Variants in CTNNA2 observed in about 807,000 individuals in gnomAD.
CTNNA2 encodes the protein catenin alpha-2.
Under a neutral mutation model 101.0 loss-of-function variants are expected in CTNNA2, and 42 were observed. That is an observed-to-expected ratio of 0.42 (90% CI 0.32 to 0.54). The LOEUF is 0.54. CTNNA2 is among the 20% of genes least tolerant of loss of function. The pLI, the probability that CTNNA2 is intolerant of heterozygous loss-of-function variation, is 0.14. For missense variants in CTNNA2, 871 were observed against 1,223.1 expected, an observed-to-expected ratio of 0.71 and a Z score of 4.29; for synonymous variants, 450 against 456.4, an observed-to-expected ratio of 0.99 and a Z score of 0.18.
intron 11 of CTNNA2, among the ~76,000 whole-genome samples, chr2:80,548,574 T>G (rs1338453120): frequency 6.6e-6 from 1 of 152,130 alleles, no homozygotes; most frequent in Non-Finnish European, 1.5e-5. Flanking sequence ...GATAACACTG[T>G]GCAGTCCAAC....
intron 3 of CTNNA2, among the ~76,000 whole-genome samples, chr2:79,811,163 A>G (rs1378987694): frequency 6.6e-6 from 1 of 151,846 alleles, no homozygotes. Context: ...AAGTGTTCCT[A>G]TTTCTGCACA....
At chr2:79,616,065 A>C (rs1678596279) in intron 1 of CTNNA2, among the ~76,000 whole-genome samples, 1 of 152,190 alleles carries the variant, frequency 6.6e-6, no homozygotes, top group African/African-American at 2.4e-5. Context: ...ACCAGCATTA[A>C]GAAGTTGCAG....
intron 7 of CTNNA2, among the ~76,000 whole-genome samples, chr2:80,090,799 A>C (rs191068296): frequency 7.2e-5 from 11 of 152,216 alleles, no homozygotes; most frequent in African/African-American, 2.6e-4. Context: ...ACATCACATA[A>C]TGAATTGAGC....
At chr2:80,214,872 A>G (rs1443844613) in intron 7 of CTNNA2, among the ~76,000 whole-genome samples, 2 of 152,164 alleles carry the variant, frequency 1.3e-5, no homozygotes, top group Non-Finnish European at 2.9e-5. Flanking sequence ...TGGCTCCATT[A>G]TCCCCGTCAT....
chr2:79,962,150 G>A (rs1385466703), intron 7 of CTNNA2, among the ~76,000 whole-genome samples: 1 of 152,204 alleles, frequency 6.6e-6, no homozygotes, highest in Non-Finnish European at 1.5e-5. Context: ...GTCTGTTCAG[G>A]CTGCTATAAC....
chr2:79,987,420 C>T (rs75674960), intron 7 of CTNNA2, among the ~76,000 whole-genome samples: 3,762 of 152,282 alleles, frequency 0.025, 170 homozygotes, highest in African/African-American at 0.086. Flanking sequence ...CCCACCTGTG[C>T]CTCCTAACGA....
At chr2:80,278,942 G>A (rs917168603) in intron 7 of CTNNA2, among the ~76,000 whole-genome samples, 1 of 152,078 alleles carries the variant, frequency 6.6e-6, no homozygotes, top group East Asian at 1.9e-4. Context: ...TCTAGCCTGG[G>A]TGACAAAGTG....
chr2:79,949,899 T>C (rs1688762833), intron 7 of CTNNA2, among the ~76,000 whole-genome samples: 2 of 152,242 alleles, frequency 1.3e-5, no homozygotes, highest in Non-Finnish European at 2.9e-5. Flanking sequence ...ATCAGCCAGA[T>C]ATCTTTAATA....
Position 80,204,719 on chromosome 2 carries a change from T to G in CTNNA2, c.1057-188492T>G, listed in dbSNP as rs567287630. 2.4e-4 allele frequency among the ~76,000 whole-genome samples: 37 copies of G among 151,944 alleles called. No individual in the cohort carries two copies. In the South Asian group the frequency reaches 7.7e-3, roughly 32 times the overall value. On this transcript the variant is annotated intron_variant, in intron 7 of 18. Coordinates refer to ENST00000402739, the MANE Select transcript of CTNNA2 (RefSeq NM_001282597.3). ...TTACCCAGTTCCAAAGTAGCTTCCA[T>G]GTTTTTGGGTATCTTTTCAGCAGCG...
chr2:79,257,868 A>G (rs1674869075), intron 2 of CTNNA2, among the ~76,000 whole-genome samples: 1 of 152,088 alleles, frequency 6.6e-6, no homozygotes, highest in Non-Finnish European at 1.5e-5. Context: ...TCCAAAATCA[A>G]GATGTCAGCA....
At chr2:79,824,983 G>C (rs1678307733) in intron 3 of CTNNA2, among the ~76,000 whole-genome samples, 1 of 152,022 alleles carries the variant, frequency 6.6e-6, no homozygotes, top group South Asian at 2.1e-4. Context: ...TGAGGACAAG[G>C]GTTCAGCACA....
chr2:80,604,888 G>A (rs912234939), intron 16 of CTNNA2, among the ~76,000 whole-genome samples: 1 of 151,950 alleles, frequency 6.6e-6, no homozygotes, highest in Non-Finnish European at 1.5e-5. Context: ...GGCAGAAACA[G>A]GTTGCAGAAT....
intron 4 of CTNNA2, among the ~76,000 whole-genome samples, chr2:79,468,928 G>T (rs1670968188): frequency 6.6e-6 from 1 of 152,256 alleles, no homozygotes; most frequent in East Asian, 1.9e-4. Flanking sequence ...GAGAAAGCAG[G>T]AAAGATCTAA....
intron 7 of CTNNA2, among the ~76,000 whole-genome samples, chr2:80,202,039 G>A (rs1160735199): frequency 6.6e-6 from 1 of 152,062 alleles, no homozygotes; most frequent in Admixed American, 6.6e-5. Flanking sequence ...CTGCATTTTT[G>A]CATTTTATTT....
At chr2:79,332,487 T>G (rs1467687940) in intron 3 of CTNNA2, among the ~76,000 whole-genome samples, 1 of 152,172 alleles carries the variant, frequency 6.6e-6, no homozygotes, top group Non-Finnish European at 1.5e-5. Context: ...CAACAATCAC[T>G]TCCACTTCTC....
chr2:79,562,711 G>T (rs997373180), intron 1 of CTNNA2, among the ~76,000 whole-genome samples: 1 of 151,998 alleles, frequency 6.6e-6, no homozygotes, highest in East Asian at 1.9e-4. Flanking sequence ...AATGCTTTGG[G>T]TATATATTGT....
chr2:80,559,869 A>T (rs1023251491), intron 12 of CTNNA2, among the ~76,000 whole-genome samples: 59 of 114,304 alleles, frequency 5.2e-4, no homozygotes, highest in African/African-American at 2.0e-3. Flanking sequence ...ACATTCAGCG[A>T]TATCATATTT....
intron 9 of CTNNA2, among the ~76,000 whole-genome samples, chr2:80,442,691 A>G (rs191657273): frequency 1.3e-3 from 205 of 152,190 alleles, no homozygotes; most frequent in Non-Finnish European, 2.4e-3. Flanking sequence ...AGATACTAAT[A>G]CCTTCCCCTC....
intron 7 of CTNNA2, among the ~76,000 whole-genome samples, chr2:80,309,261 A>G (rs938048135): frequency 1.3e-5 from 2 of 152,152 alleles, no homozygotes; most frequent in Non-Finnish European, 2.9e-5. Flanking sequence ...TATTCTCTCC[A>G]TCTTTGCTTA....
Sources: allele counts gnomAD v4.1 joint callset (sites outside exome capture counted in the v4.1 genomes callset), GRCh38; gene constraint gnomAD v4.1.1; transcripts MANE v1.5; gene names NCBI Gene and HGNC (gene_info 2026-07-23, HGNC 2026-07-21).